RALGPS1: variants seen among roughly 807,000 people sequenced by gnomAD.
RALGPS1 encodes the protein ras-specific guanine nucleotide-releasing factor RalGPS1.
Under a neutral mutation model 78.8 loss-of-function variants are expected in RALGPS1, and 19 were observed. That is an observed-to-expected ratio of 0.24 (90% CI 0.17 to 0.35). The LOEUF (loss-of-function observed/expected upper bound fraction) is 0.35. Among genes scored for constraint, RALGPS1 ranks in the 10% least tolerant of loss-of-function variants. The pLI is 1.00. For synonymous variants in RALGPS1, 228 were observed against 256.3 expected, an observed-to-expected ratio of 0.89 and a Z score of 1.06; for missense variants, 454 against 688.3, an observed-to-expected ratio of 0.66 and a Z score of 3.81.
At chr9:127,050,818 C>A (rs1172783202) in intron 6 of RALGPS1, among the ~76,000 whole-genome samples, 2 of 152,226 alleles carry the variant, frequency 1.3e-5, no homozygotes, top group South Asian at 2.1e-4. Flanking sequence ...CAGCATCGTG[C>A]TGGCTGTTTC....
rs138340440 is a variant in RALGPS1, at chr9:127,219,784, C to T, written c.*1015C>T. 7.4e-4 allele frequency: 113 copies of T among 152,920 alleles called. No individual in the cohort carries two copies. Among genetic ancestry groups the T allele is most frequent in the Middle Eastern group, 3.4e-3 (1 of 294 alleles). 9.5% of individuals were successfully genotyped at this position (152,920 alleles called of 1,614,324 possible). On this transcript the variant is annotated 3_prime_UTR_variant, in exon 19 of 19. Transcript: ENST00000259351. The surrounding 1 kb of genome is among the most constrained non-coding windows in gnomAD (Gnocchi z 5.0). Reference sequence around the variant, plus strand: ...AAGCCTGTGCCCCCATCATCTCACTCCTTTGCCTGCACTGCCAGGGTGGGG... The same window carrying T: ...AAGCCTGTGCCCCCATCATCTCACTTCTTTGCCTGCACTGCCAGGGTGGGG...
At chr9:127,208,928 C>T (rs1410990520) in intron 14 of RALGPS1, among the ~76,000 whole-genome samples, 1 of 152,212 alleles carries the variant, frequency 6.6e-6, no homozygotes, top group African/African-American at 2.4e-5. Context: ...GAATTCCGGA[C>T]AGTCCACTGG....
At chr9:127,153,018 T>C (rs887983798) in intron 8 of RALGPS1, among the ~76,000 whole-genome samples, 1 of 152,240 alleles carries the variant, frequency 6.6e-6, no homozygotes, top group African/African-American at 2.4e-5. Flanking sequence ...TAAGTGGCAA[T>C]GCCAGGATTT....
chr9:127,105,085 C>G (rs1046042892), intron 8 of RALGPS1, among the ~76,000 whole-genome samples: 1 of 152,182 alleles, frequency 6.6e-6, no homozygotes, highest in African/African-American at 2.4e-5. Context: ...TGGGCTCTGT[C>G]TACCCATTCA....
chr9:127,059,109 C>T (rs2048986956), intron 7 of RALGPS1, among the ~76,000 whole-genome samples: 2 of 152,162 alleles, frequency 1.3e-5, no homozygotes, highest in Non-Finnish European at 2.9e-5. Context: ...TTGCAAATAT[C>T]ACAGGACGGC....
intron 7 of RALGPS1, among the ~76,000 whole-genome samples, chr9:127,067,161 G>A (rs1389622369): frequency 1.3e-5 from 2 of 152,132 alleles, no homozygotes; most frequent in East Asian, 1.9e-4. Flanking sequence ...ATATATTACA[G>A]TGTCTTACAA....
At chr9:126,965,213 A>G (rs1282602257) in intron 2 of RALGPS1, among the ~76,000 whole-genome samples, 1 of 152,224 alleles carries the variant, frequency 6.6e-6, no homozygotes, top group East Asian at 1.9e-4. Context: ...ACAGCCTCTA[A>G]AGCCAGTTGG....
At chr9:126,940,175 C>T (rs896149880) in intron 1 of RALGPS1, among the ~76,000 whole-genome samples, 1 of 152,100 alleles carries the variant, frequency 6.6e-6, no homozygotes, top group Non-Finnish European at 1.5e-5. Context: ...TGCAAATAGC[C>T]TGGGTTATGA....
chr9:126,937,540 G>T (rs2036378398), intron 1 of RALGPS1, among the ~76,000 whole-genome samples: 1 of 152,190 alleles, frequency 6.6e-6, no homozygotes, highest in South Asian at 2.1e-4. Flanking sequence ...AAGATGGGCA[G>T]TCTAGGGTTG....
Position 127,212,903 on chromosome 9 carries a change from G to T in RALGPS1, c.1447-41G>T, listed in dbSNP as rs781528806. On this transcript the variant is annotated intron_variant, in intron 16 of 18. Coordinates refer to ENST00000259351, the MANE Select transcript of RALGPS1 (RefSeq NM_014636.3). This position sits in a 1 kb window ranked among gnomAD's most constrained non-coding sequence, Gnocchi z 6.0. ...GTCGGCCTCCCTTGTGGAGTGGAGG[G>T]CTGGGCCCCGGTCTCCGGATGTGTT... 9 of 1,613,338 alleles carry T rather than the reference G, an allele frequency of 5.6e-6. No individual in the cohort carries two copies. In the East Asian group the frequency reaches 2.0e-4, roughly 36 times the overall value.
intron 4 of RALGPS1, among the ~76,000 whole-genome samples, chr9:126,984,190 A>G (rs1361105434): frequency 6.6e-6 from 1 of 152,140 alleles, no homozygotes; most frequent in Non-Finnish European, 1.5e-5. Context: ...CTGCAGCCTC[A>G]AACTTGTGGG....
intron 4 of RALGPS1, 36 bp from the exon 5 acceptor site, chr9:127,034,395 T>C (rs2046683119): frequency 1.9e-6 from 3 of 1,582,018 alleles, no homozygotes; most frequent in East Asian, 4.5e-5. Context: ...GCATCCCAAC[T>C]AGAATCACTG....
chr9:127,209,971 G>T (rs114146869), intron 14 of RALGPS1, among the ~76,000 whole-genome samples: 1 of 152,210 alleles, frequency 6.6e-6, no homozygotes, highest in African/African-American at 2.4e-5. Context: ...TGGGGAGAAG[G>T]TTGGAACATC....
intron 8 of RALGPS1, among the ~76,000 whole-genome samples, chr9:127,070,217 C>T (rs2050076139): frequency 6.6e-6 from 1 of 152,190 alleles, no homozygotes; most frequent in African/African-American, 2.4e-5. Context: ...GAATCTAATG[C>T]TGCCACTGAT....
intron 8 of RALGPS1, among the ~76,000 whole-genome samples, chr9:127,076,746 C>G (rs2050713193): frequency 6.6e-6 from 1 of 152,192 alleles, no homozygotes; most frequent in African/African-American, 2.4e-5. Context: ...TTGTGATCAC[C>G]AGCACTGGAC....
At chr9:127,110,021 G>A (rs914088724) in intron 8 of RALGPS1, among the ~76,000 whole-genome samples, 8 of 152,276 alleles carry the variant, frequency 5.3e-5, no homozygotes, top group South Asian at 4.1e-4. Context: ...ATAATCATAC[G>A]GTTTTTTCTC....
At chr9:127,015,148 A>C (rs1470951611) in intron 4 of RALGPS1, among the ~76,000 whole-genome samples, 1 of 152,164 alleles carries the variant, frequency 6.6e-6, no homozygotes, top group Non-Finnish European at 1.5e-5. Context: ...TATTATTCAA[A>C]ATACTGGTAG....
At chr9:126,935,359 A>G (rs2036161805) in intron 1 of RALGPS1, among the ~76,000 whole-genome samples, 3 of 152,200 alleles carry the variant, frequency 2.0e-5, no homozygotes, top group Non-Finnish European at 4.4e-5. Context: ...CTTTGTTGCC[A>G]TGGCGCCCAG....
intron 4 of RALGPS1, among the ~76,000 whole-genome samples, chr9:127,015,927 G>T (rs1156541532): frequency 2.0e-5 from 3 of 151,912 alleles, no homozygotes; most frequent in African/African-American, 7.3e-5. Flanking sequence ...TTCTGCCCTT[G>T]ACTGCCTTTC....
Sources: allele counts gnomAD v4.1 joint callset (sites outside exome capture counted in the v4.1 genomes callset), GRCh38; gene constraint gnomAD v4.1.1; non-coding constraint Gnocchi (gnomAD v3.1); transcripts MANE v1.5; gene names NCBI Gene and HGNC (gene_info 2026-07-23, HGNC 2026-07-21).